RAB11B: variants seen among roughly 807,000 people sequenced by gnomAD.
RAB11B encodes ras-related protein Rab-11B.
A neutral mutation model predicts 23.7 loss-of-function variants in RAB11B; 7 were observed. The observed-to-expected ratio is 0.29, with a 90% CI of 0.17 to 0.55. The LOEUF (loss-of-function observed/expected upper bound fraction) is 0.55, where lower values mean the gene tolerates loss of function less well. Among genes scored for constraint, RAB11B ranks in the 20% least tolerant of loss-of-function variants. RAB11B has a pLI of 0.93. For synonymous variants in RAB11B, 138 were observed against 132.0 expected (o/e 1.05, Z -0.31); for missense variants, 189 against 320.0 (o/e 0.59, Z 3.12).
At chr19:8,393,956 G>A (rs1971377831) in intron 1 of RAB11B, among the ~76,000 whole-genome samples, 1 of 152,198 alleles carries the variant, frequency 6.6e-6, no homozygotes, top group African/African-American at 2.4e-5. Context: ...GGGTAGGGGG[G>A]TCGCTTCCCA....
At chr19:8,390,547 G>GCCGGAGC (rs1340770213) in intron 1 of RAB11B, 91 bp downstream of exon 1, 3 of 1,282,146 alleles carry the variant, frequency 2.3e-6, no homozygotes, top group Non-Finnish European at 3.0e-6. Context: ...CTGGGCCCAG[G>GCCGGAGC]CCGGAGCCCG....
chr19:8,401,439 C>A (rs74176297), intron 2 of RAB11B, among the ~76,000 whole-genome samples: 1,528 of 150,454 alleles, frequency 0.01, 13 homozygotes, highest in South Asian at 0.017. Flanking sequence ...AGTGCAGTGT[C>A]ACAATCTCGG....
Position 8,396,138 on chromosome 19 carries a change from G to A in RAB11B, c.41-3725G>A, listed in dbSNP as rs1380057343. Among the ~76,000 whole-genome samples the A allele has an allele frequency of 1.3e-5, 2 of 152,178 alleles. No individual in the cohort carries two copies. The highest frequency in any genetic ancestry group is 2.9e-5 in the Non-Finnish European group (2 of 68,040). The stretch of plus-strand genomic sequence containing the variant: ...AGAGCTTTGTTAGCACAAGCTCATC[G>A]AATATTCTCCTTGTTCTTGTTATTC... On this transcript the variant is annotated intron_variant, in intron 1 of 4. Coordinates refer to ENST00000328024, the MANE Select transcript of RAB11B (RefSeq NM_004218.4). The surrounding 1 kb of genome is among the most constrained non-coding windows in gnomAD (Gnocchi z 5.0).
rs909584815 is a variant in RAB11B, at chr19:8,396,061, C to T, written c.41-3802C>T. ...CCGTTCCCCATCCAAGCCTCAGTTT[C>T]CTCATCTGTAAAAATGGGCTACAGG... On this transcript the variant is annotated intron_variant, in intron 1 of 4. Transcript: ENST00000328024. The surrounding 1 kb of genome is among the most constrained non-coding windows in gnomAD (Gnocchi z 5.0). 6.6e-6 allele frequency among the ~76,000 whole-genome samples: 1 copy of T among 152,222 alleles called. No homozygotes were observed. Among genetic ancestry groups the T allele is most frequent in the Non-Finnish European group, 1.5e-5 (1 of 68,038 alleles).
rs867077766 is a variant in RAB11B, at chr19:8,403,086, G to A, written c.512-327G>A. Among the ~76,000 whole-genome samples the A allele has an allele frequency of 9.8e-5, 15 of 152,338 alleles. No individual in the cohort carries two copies. In the South Asian group the frequency reaches 1.7e-3, roughly 17 times the overall value. On this transcript the variant is annotated intron_variant, in intron 4 of 4. Transcript: ENST00000328024. ...GGCACTGGGGACACAGAGACCCCCT[G>A]GCCCCAGTTCCTGGGGATGGGCCCT...
At chr19:8,393,441 C>CCCAAGGACAAGGTGGCCCCTGT (rs1367865338) in intron 1 of RAB11B, among the ~76,000 whole-genome samples, 6 of 152,218 alleles carry the variant, frequency 3.9e-5, no homozygotes, top group African/African-American at 1.4e-4. Flanking sequence ...CCCTCCCCTG[C>CCCAAGGACAAGGTGGCCCCTGT]CCAAGGACAA....
Position 8,403,922 on chromosome 19 carries a change from C to T in RAB11B, c.*364C>T, listed in dbSNP as rs994639637. 4 of 189,834 alleles carry T rather than the reference C, an allele frequency of 2.1e-5. No individual in the cohort carries two copies. Among genetic ancestry groups the T allele is most frequent in the Admixed American group, 6.1e-5 (1 of 16,444 alleles). 11.8% of individuals were successfully genotyped at this position (189,834 alleles called of 1,614,324 possible). A position where few individuals can be genotyped will look rare whatever the true frequency, so the allele number is the denominator to read the frequency against. ...GCGATTGCCTCCCTCCCTCCGTGAC[C>T]GGGTGGCCCAGCCAGCCCGTCGTCC... On this transcript the variant is annotated 3_prime_UTR_variant, in exon 5 of 5. Transcript: ENST00000328024.
intron 1 of RAB11B, 76 bp downstream of exon 1, chr19:8,390,532 G>A: frequency 7.4e-7 from 1 of 1,360,296 alleles, no homozygotes; most frequent in Non-Finnish European, 9.5e-7. Context: ...CCGCGCTCCA[G>A]GCCGCTGGGC....
In RAB11B at chr19:8,390,389, C is replaced by A. The variant is rs1264804748; in HGVS notation, c.-28C>A. On this transcript the variant is annotated 5_prime_UTR_variant, in exon 1 of 5. Transcript: ENST00000328024. ...GGTGTTTGTGGTGGGGCTGCGGAGT[C>A]GCCGATCCCGCCGGAAGCGCCAGGA... 1 of 1,526,050 alleles carries A rather than the reference C, an allele frequency of 6.6e-7. No homozygotes were observed. Among genetic ancestry groups the A allele is most frequent in the Admixed American group, 2.3e-5 (1 of 44,350 alleles). The allele number at this position is 1,526,050 out of a possible 1,614,324, so 94.5% of individuals were successfully genotyped here.
chr19:8,401,938 C>T (rs2145513068), intron 2 of RAB11B, 148 bp from the exon 3 acceptor site: 6 of 756,138 alleles, frequency 7.9e-6, no homozygotes, highest in African/African-American at 1.8e-5. Context: ...GGCCTCCAGA[C>T]ACACACCCTT....
rs1045081446 is a variant in RAB11B at position 8,396,790 on chromosome 19, G to A, written c.41-3073G>A. Among the ~76,000 whole-genome samples the A allele has an allele frequency of 8.6e-5, 13 of 151,834 alleles. No individual in the cohort carries two copies. The highest frequency in any genetic ancestry group is 3.1e-4 in the African/African-American group (13 of 41,288). On this transcript the variant is annotated intron_variant, in intron 1 of 4. Coordinates refer to ENST00000328024, the MANE Select transcript of RAB11B (RefSeq NM_004218.4). This position sits in a 1 kb window ranked among gnomAD's most constrained non-coding sequence, Gnocchi z 5.0. ...GGCTTTTCCCCTGCGGAAGGTGGGG[G>A]CCACGGAGGGTTGTCTGCAGAGGAG...
intron 1 of RAB11B, among the ~76,000 whole-genome samples, chr19:8,398,144 A>G (rs1052581493): frequency 6.6e-6 from 1 of 152,044 alleles, no homozygotes; most frequent in Non-Finnish European, 1.5e-5. Flanking sequence ...CTGGGACAGG[A>G]AACAGTTTAC....
At chr19:8,402,756 A>T in intron 4 of RAB11B, 191 bp downstream of exon 4, 1 of 593,488 alleles carries the variant, frequency 1.7e-6, no homozygotes, top group Non-Finnish European at 3.0e-6. Flanking sequence ...TCCGCCTTCC[A>T]GGTTCAGGCA....
intron 3 of RAB11B, 85 bp downstream of exon 3, chr19:8,402,364 G>A: frequency 6.5e-7 from 1 of 1,532,336 alleles, no homozygotes. Context: ...CCACAGCCCT[G>A]GCTTCCCTTC....
chr19:8,392,685 C>CTTTTTTTTTTTTTTTTTTTTTTTTT (rs74176644), intron 1 of RAB11B, among the ~76,000 whole-genome samples: 1 of 79,666 alleles, frequency 1.3e-5, no homozygotes, highest in Non-Finnish European at 2.3e-5. Context: ...TTTTTCTTTT[C>CTTTTTTTTTTTTTTTTTTTTTTTTT]TTTTTTTTTT....
At position 8,403,828 on chromosome 19, in the gene RAB11B, C is replaced by T. The variant is rs1451796029; in HGVS notation, c.*270C>T. On this transcript the variant is annotated 3_prime_UTR_variant, in exon 5 of 5. Transcript: ENST00000328024. Reference sequence around the variant, plus strand: ...GGGGAGGGCGGCAGGATGGACGGGGCTGGCCAGAGGCGAGGAGGACGGGCG... The same window carrying T: ...GGGGAGGGCGGCAGGATGGACGGGGTTGGCCAGAGGCGAGGAGGACGGGCG... 4.5e-6 allele frequency: 2 copies of T among 448,738 alleles called. No individual in the cohort carries two copies. The highest frequency in any genetic ancestry group is 3.9e-6 in the Non-Finnish European group (1 of 254,536). 27.8% of individuals were successfully genotyped at this position (448,738 alleles called of 1,614,324 possible).
In RAB11B at chr19:8,403,826, G is replaced by A. The variant is rs1971457994; in HGVS notation, c.*268G>A. ...GTGGGGAGGGCGGCAGGATGGACGG[G>A]GCTGGCCAGAGGCGAGGAGGACGGG... On this transcript the variant is annotated 3_prime_UTR_variant, in exon 5 of 5. Transcript: ENST00000328024. 6.6e-6 allele frequency: 3 copies of A among 453,878 alleles called. No individual in the cohort carries two copies. The East Asian group carries it at 1.2e-4, about 18-fold the overall frequency. The allele number at this position is 453,878 out of a possible 1,614,324, so 28.1% of individuals were successfully genotyped here.
At position 8,403,559 on chromosome 19, in the gene RAB11B, C is replaced by G; in HGVS notation, c.*1C>G. 1 of 1,610,290 alleles carries G rather than the reference C, an allele frequency of 6.2e-7. No individual in the cohort carries two copies. The highest frequency in any genetic ancestry group is 1.1e-5 in the South Asian group (1 of 90,904). ...GCTGCAGTGCTGCCAGAACCTGTGA[C>G]CCCTGCGCCTCCACCCAGCGTGCGT... On this transcript the variant is annotated 3_prime_UTR_variant, in exon 5 of 5. Transcript: ENST00000328024.
chr19:8,401,317 T>C (rs1971435260), intron 2 of RAB11B, among the ~76,000 whole-genome samples: 1 of 151,468 alleles, frequency 6.6e-6, no homozygotes, highest in Non-Finnish European at 1.5e-5. Flanking sequence ...CCTGACCTCA[T>C]GATCTGCCCG....
Sources: gnomAD v4.1 joint callset for allele counts (sites outside exome capture counted in the v4.1 genomes callset) on GRCh38, gnomAD v4.1.1 for gene constraint, Gnocchi (gnomAD v3.1) non-coding constraint, MANE v1.5 for transcripts, NCBI Gene and HGNC (gene_info 2026-07-23, HGNC 2026-07-21) for gene names.